Variants in STRA6 observed in about 807,000 individuals in gnomAD.
STRA6 encodes the protein receptor for retinol uptake STRA6.
STRA6 carries 48 observed loss-of-function variants against 83.6 expected under a neutral mutation model. That is an observed-to-expected ratio of 0.57 (90% CI 0.46 to 0.73). The LOEUF (loss-of-function observed/expected upper bound fraction) is 0.73. Among genes scored for constraint, STRA6 ranks in the 30% least tolerant of loss-of-function variants. The pLI, the probability that STRA6 is intolerant of heterozygous loss-of-function variation, is 0.00. For synonymous variants in STRA6, 353 were observed against 362.3 expected, an observed-to-expected ratio of 0.97 and a Z score of 0.29; for missense variants, 760 against 838.8, an observed-to-expected ratio of 0.91 and a Z score of 1.16.
upstream of STRA6, among the ~76,000 whole-genome samples, chr15:74,211,131 C>A (rs1177259229): frequency 4.3e-5 from 6 of 140,810 alleles, no homozygotes; most frequent in Non-Finnish European, 9.2e-5. Context: ...AGAGATTCCC[C>A]CCCACCACTA....
upstream of STRA6, among the ~76,000 whole-genome samples, chr15:74,206,226 C>T (rs886773847): frequency 1.3e-5 from 2 of 152,330 alleles, no homozygotes; most frequent in Admixed American, 1.3e-4. Flanking sequence ...CTCCTGGCCC[C>T]CAGCTGCCCT....
At position 74,193,788 on chromosome 15, in the gene STRA6, C is replaced by T. The variant is rs747395238; in HGVS notation, c.720+12G>A. 9 of 1,613,238 alleles carry T rather than the reference C, an allele frequency of 5.6e-6. No homozygotes were observed. Among genetic ancestry groups the T allele is most frequent in the South Asian group, 3.3e-5 (3 of 91,068 alleles). On this transcript the variant is annotated intron_variant, in intron 8 of 18. Transcript: ENST00000395105. The stretch of plus-strand genomic sequence containing the variant: ...TGCTGAGGAAGAGCTCATCCCAGGC[C>T]TGCCCCTTTACCTTGGAGCCTGCTC...
upstream of STRA6, chr15:74,209,588 T>C (rs1228491914): frequency 2.9e-6 from 2 of 678,984 alleles, no homozygotes; most frequent in Non-Finnish European, 4.9e-6. Flanking sequence ...CTTTCTCTTC[T>C]ATTTCTCACT....
chr15:74,191,534 G>A (rs374679356), intron 8 of STRA6, 43 bp from the exon 9 acceptor site: 84 of 1,565,912 alleles, frequency 5.4e-5, no homozygotes, highest in Middle Eastern at 5.0e-4. Flanking sequence ...GATCTGCCTC[G>A]ACCCATTCGT....
chr15:74,205,952 G>T (rs1238370450), upstream of STRA6, among the ~76,000 whole-genome samples: 1 of 152,262 alleles, frequency 6.6e-6, no homozygotes, highest in Non-Finnish European at 1.5e-5. Flanking sequence ...GTAAGGGCCA[G>T]GTTTCTGCAT....
rs28419221 is a variant in STRA6, at chr15:74,202,192, C to T, written c.76G>A (p.Asp26Asn). The change falls in exon 2 of 19, where the codon GAT (aspartate) becomes AAT (asparagine). Residue 26 changes from aspartate (D) to asparagine (N), a missense_variant. Physicochemically the swap from Asp to Asn is conservative, Grantham distance 23. Transcript: ENST00000395105. ...AGCTCCTCGCCCCCCTGGGGCTCATCGATGTACCAGCTGCCATAGGAGTAG... is the reference window on the plus strand; with the variant it reads ...AGCTCCTCGCCCCCCTGGGGCTCATTGATGTACCAGCTGCCATAGGAGTAG... ...EDYSYGSWYI[D>N]EPQGGEELQP... 5 of 1,518,066 alleles carry T rather than the reference C, an allele frequency of 3.3e-6. No individual in the cohort carries two copies. Among genetic ancestry groups the T allele is most frequent in the South Asian group, 2.7e-5 (2 of 72,908 alleles). 94.0% of individuals were successfully genotyped at this position (1,518,066 alleles called of 1,614,324 possible). A position where few individuals can be genotyped will look rare whatever the true frequency, so the allele number is the denominator to read the frequency against.
intron 2 of STRA6, among the ~76,000 whole-genome samples, chr15:74,199,487 C>A (rs575247783): frequency 4.6e-5 from 7 of 152,170 alleles, no homozygotes; most frequent in African/African-American, 7.2e-5. Flanking sequence ...CCCTCTCAGC[C>A]GGCATCTCCC....
intron 8 of STRA6, among the ~76,000 whole-genome samples, chr15:74,192,472 G>T (rs1338508826): frequency 6.6e-6 from 1 of 152,154 alleles, no homozygotes; most frequent in Non-Finnish European, 1.5e-5. Flanking sequence ...AGGGACCCGG[G>T]GTTCTCCATC....
In STRA6 at chr15:74,201,465, C is replaced by T. The variant is rs531524845; in HGVS notation, c.113+690G>A. On this transcript the variant is annotated intron_variant, in intron 2 of 18. Coordinates refer to ENST00000395105, the MANE Select transcript of STRA6 (RefSeq NM_022369.4). ...GGACACAGAAGGGGCCCAGCTCCTCCACCAGGGTGCCCAGACTAAACCCCG... is the reference window on the plus strand; with the variant it reads ...GGACACAGAAGGGGCCCAGCTCCTCTACCAGGGTGCCCAGACTAAACCCCG... Among the ~76,000 whole-genome samples, 474 of 152,270 alleles carry T rather than the reference C, an allele frequency of 3.1e-3. 2 individuals carry two copies. The highest frequency in any genetic ancestry group is 0.011 in the African/African-American group (448 of 41,552).
rs565194026 is a variant in STRA6 at position 74,189,666 on chromosome 15, CT to C, written c.928-390del. ...AAATAATACAGTAGGACAACTTCTTCTTTTTTTTTTTTTTTTGAGATGGAGT... is the reference window on the plus strand; with the variant it reads ...AAATAATACAGTAGGACAACTTCTTCTTTTTTTTTTTTTTTGAGATGGAGT... On this transcript the variant is annotated intron_variant, in intron 11 of 18. Coordinates refer to ENST00000395105, the MANE Select transcript of STRA6 (RefSeq NM_022369.4). Among the ~76,000 whole-genome samples the C allele has an allele frequency of 4.5e-3, 626 of 140,410 alleles. 1 individual carries two copies. Among genetic ancestry groups the C allele is most frequent in the African/African-American group, 6.0e-3 (233 of 38,576 alleles). 92.1% of individuals were successfully genotyped at this position (140,410 alleles called of 152,430 possible).
chr15:74,193,909 T>G lies in STRA6; in HGVS notation c.611A>C (p.Tyr204Ser), dbSNP rs143818589. 2.7e-5 allele frequency: 43 copies of G among 1,612,632 alleles called. No individual in the cohort carries two copies. The highest frequency in any genetic ancestry group is 3.5e-5 in the Non-Finnish European group (41 of 1,179,430). ...CPQVPKIYKY[Y>S]SLLASLPLLL... is the part of the protein sequence containing the mutation. ...GAGAGGCAGGGAGGCCAGCAGGGAG[T>G]AGTACTTGTAGATCTGGACAGACAA... Residue 204 changes from tyrosine (Y) to serine (S), a missense_variant, in exon 8 of 19, where the codon TAC (tyrosine) becomes TCC (serine). Physicochemically the swap from Tyr to Ser is moderately radical, Grantham distance 144 (BLOSUM62 -2). Coordinates refer to ENST00000395105, the MANE Select transcript of STRA6 (RefSeq NM_022369.4).
upstream of STRA6, among the ~76,000 whole-genome samples, chr15:74,206,947 C>T (rs183597205): frequency 3.0e-3 from 450 of 152,292 alleles, 1 homozygote; most frequent in African/African-American, 0.01. Context: ...GTGGCTAAGC[C>T]CTGCTCACTA....
chr15:74,207,563 C>T, upstream of STRA6: 3 of 857,906 alleles, frequency 3.5e-6, no homozygotes, highest in South Asian at 4.9e-5. Context: ...CATCTCAGCC[C>T]TTGACTCTGA....
Position 74,196,103 on chromosome 15 carries a change from G to A in STRA6, c.311C>T (p.Ala104Val). Residue 104 changes from alanine to valine, a missense_variant, in exon 5 of 19, where the codon GCT becomes GTT. Physicochemically the swap from Ala to Val is moderately conservative, Grantham distance 64. Coordinates refer to ENST00000395105, the MANE Select transcript of STRA6 (RefSeq NM_022369.4). ...GCTCAGGAGGACCATGAAAACAGCAGCAGGCACTGCCCGGGGCCTGTCCCC... is the reference window on the plus strand; with the variant it reads ...GCTCAGGAGGACCATGAAAACAGCAACAGGCACTGCCCGGGGCCTGTCCCC... ...LAGDRPRAVPAAVFMVLLSSL... is the reference protein window; with the variant it reads ...LAGDRPRAVPVAVFMVLLSSL... The A allele has an allele frequency of 6.2e-7, 1 of 1,614,024 alleles. No homozygotes were observed. The highest frequency in any genetic ancestry group is 8.5e-7 in the Non-Finnish European group (1 of 1,180,016).
rs147077716 is a variant in STRA6, at chr15:74,180,083, G to A, written c.2001C>T (p.Pro667=). 2.9e-4 allele frequency: 463 copies of A among 1,612,998 alleles called. No homozygotes were observed. Among genetic ancestry groups the A allele is most frequent in the Middle Eastern group, 3.3e-4 (2 of 6,050 alleles). The change falls in exon 19 of 19, where the codon CCC becomes CCT. Residue 667 remains proline, a synonymous_variant. Transcript: ENST00000395105. ...GGTGGGTTGACCTTCCCTGCCCTCAGGGCTGGGCACCATTGGCACCCAACA... is the reference window on the plus strand; with the variant it reads ...GGTGGGTTGACCTTCCCTGCCCTCAAGGCTGGGCACCATTGGCACCCAACA... ...TALLGANGAQ[P]
chr15:74,208,685 C>G, intron 1 of STRA6: 1 of 985,732 alleles, frequency 1.0e-6, no homozygotes, highest in Non-Finnish European at 1.2e-6. Context: ...CTGCTCACTT[C>G]CTGCCCCTAG....
intron 14 of STRA6, 74 bp from the exon 15 acceptor site, chr15:74,182,534 A>C: frequency 7.8e-7 from 1 of 1,286,024 alleles, no homozygotes; most frequent in Non-Finnish European, 1.1e-6. Flanking sequence ...TGCCCCCAGA[A>C]CCAAGGGCTT....
At chr15:74,181,239 CT>C in intron 17 of STRA6, 55 bp downstream of exon 17, 1 of 1,604,560 alleles carries the variant, frequency 6.2e-7, no homozygotes. Context: ...GGGCAGATGC[CT>C]TCCTCACTGC....
rs748621507 is a variant in STRA6, at chr15:74,182,208, A to G, written c.1473T>C (p.His491=). The stretch of plus-strand genomic sequence containing the variant: ...CATCATGAGTCTCCAGGAAGACCCA[A>G]TGGGCTGCCATGTTCTGCAGGATCA... ...LAVILQNMAA[H]WVFLETHDGH... is the part of the protein sequence containing the mutation. The change falls in exon 16 of 19, where the codon CAT becomes CAC. Residue 491 remains histidine, a synonymous_variant. Transcript: ENST00000395105. The G allele has an allele frequency of 1.5e-5, 24 of 1,614,048 alleles. No homozygotes were observed. The highest frequency in any genetic ancestry group is 2.7e-5 in the African/African-American group (2 of 74,944).
Sources: gnomAD v4.1 joint callset for allele counts (sites outside exome capture counted in the v4.1 genomes callset) on GRCh38, gnomAD v4.1.1 for gene constraint, MANE v1.5 for transcripts, NCBI Gene and HGNC (gene_info 2026-07-23, HGNC 2026-07-21) for gene names.